Variants in FSIP2 observed in about 807,000 individuals in gnomAD.
FSIP2 encodes the protein fibrous sheath-interacting protein 2.
Under a neutral mutation model 510.5 loss-of-function variants are expected in FSIP2, and 367 were observed. The observed-to-expected ratio is 0.72, with a 90% CI of 0.66 to 0.78. The LOEUF (loss-of-function observed/expected upper bound fraction) is 0.78. Ranked by LOEUF, FSIP2 falls within the 30% of genes least tolerant of loss-of-function variation. The pLI is 0.00. For synonymous variants in FSIP2, 2,601 were observed against 2,732.2 expected (o/e 0.95, Z 1.50); for missense variants, 7,594 against 7,901.7 (o/e 0.96, Z 1.48).
chr2:185,785,450 T>G (rs1311665816), intron 14 of FSIP2, among the ~76,000 whole-genome samples: 1 of 152,042 alleles, frequency 6.6e-6, no homozygotes, highest in African/African-American at 2.4e-5. Context: ...AATTTGATCA[T>G]GTAGAGTGCA....
Position 185,792,631 on chromosome 2 carries a change from C to T in FSIP2, c.5495C>T (p.Pro1832Leu), listed in dbSNP as rs906264398. The T allele has an allele frequency of 6.5e-7, 1 of 1,534,062 alleles. No homozygotes were observed. Among genetic ancestry groups the T allele is most frequent in the East Asian group, 2.4e-5 (1 of 40,840 alleles). Reference sequence around the variant, plus strand: ...CAATTTATGGATAAAATGATGGATCCTTTACTTTCGGAAGCAGATATAACC... The same window carrying T: ...CAATTTATGGATAAAATGATGGATCTTTTACTTTCGGAAGCAGATATAACC... ...SVQFMDKMMD[P>L]LLSEADITIV... The change falls in exon 16 of 23, where the codon CCT (proline) becomes CTT (leucine). Residue 1832 changes from proline to leucine, a missense_variant. Physicochemically the swap from Pro to Leu is moderately conservative, Grantham distance 98 (BLOSUM62 -3). Transcript: ENST00000424728.
In FSIP2 at chr2:185,803,485, G is replaced by T. The variant is rs1407484524; in HGVS notation, c.14179G>T (p.Ala4727Ser). The T allele has an allele frequency of 1.3e-6, 2 of 1,530,404 alleles. No individual in the cohort carries two copies. The highest frequency in any genetic ancestry group is 1.7e-6 in the Non-Finnish European group (2 of 1,144,094). The allele number at this position is 1,530,404 out of a possible 1,614,324, so 94.8% of individuals were successfully genotyped here. Residue 4727 changes from alanine to serine, a missense_variant, in exon 17 of 23, where the codon GCT becomes TCT. By Grantham distance (99) the Ala-to-Ser change is moderately conservative (BLOSUM62 1). Coordinates refer to ENST00000424728, the MANE Select transcript of FSIP2 (RefSeq NM_173651.4). ...KDFLNDTKTL[A>S]ARITNIILAE... ...TTTTCTAAATGACACAAAGACATTGGCTGCAAGAATAACTAATATCATCCT... is the reference window on the plus strand; with the variant it reads ...TTTTCTAAATGACACAAAGACATTGTCTGCAAGAATAACTAATATCATCCT...
chr2:185,824,940 C>G (rs774587523), intron 20 of FSIP2, among the ~76,000 whole-genome samples: 3 of 151,590 alleles, frequency 2.0e-5, no homozygotes, highest in Non-Finnish European at 2.9e-5. Flanking sequence ...TATTCAATCT[C>G]TAATAGTCCT....
intron 17 of FSIP2, among the ~76,000 whole-genome samples, chr2:185,811,720 G>C (rs1693734644): frequency 6.6e-6 from 1 of 152,070 alleles, no homozygotes; most frequent in South Asian, 2.1e-4. Context: ...AGCAAAGAAT[G>C]GTTTCATGGG....
chr2:185,815,285 G>A (rs995879345), intron 18 of FSIP2, 86 bp from the exon 19 acceptor site: 14 of 668,096 alleles, frequency 2.1e-5, no homozygotes, highest in Non-Finnish European at 2.1e-5. Context: ...CCATTAAAAT[G>A]TAGATTATAC....
intron 13 of FSIP2, among the ~76,000 whole-genome samples, chr2:185,772,125 C>G (rs1692618091): frequency 6.6e-6 from 1 of 152,148 alleles, no homozygotes; most frequent in Admixed American, 6.5e-5. Flanking sequence ...TCTTATCAGC[C>G]TGGACTTTGC....
chr2:185,761,959 T>C lies in FSIP2; in HGVS notation c.1195-13T>C. On this transcript the variant is annotated splice_polypyrimidine_tract_variant and intron_variant, in intron 10 of 22. Transcript: ENST00000424728. ...CTAATGTAATTTTTTCTCTTCAATG[T>C]GGTACCATGTAGAGAGATGGGATGG... is the stretch of plus-strand genomic sequence containing the variant. 6.9e-7 allele frequency: 1 copy of C among 1,441,090 alleles called. No homozygotes were observed. The highest frequency in any genetic ancestry group is 9.4e-7 in the Non-Finnish European group (1 of 1,068,812). The allele number at this position is 1,441,090 out of a possible 1,614,324, so 89.3% of individuals were successfully genotyped here. A position where few individuals can be genotyped will look rare whatever the true frequency, so the allele number is the denominator to read the frequency against.
intron 8 of FSIP2, 151 bp from the exon 9 acceptor site, chr2:185,756,041 T>A (rs968836224): frequency 8.6e-6 from 3 of 347,282 alleles, no homozygotes; most frequent in Non-Finnish European, 1.0e-5. Context: ...CCATTTCACA[T>A]CACTGTATCT....
At chr2:185,739,015 G>A (rs757220731) in intron 1 of FSIP2, 22 bp downstream of exon 1, 1 of 1,526,768 alleles carries the variant, frequency 6.5e-7, no homozygotes, top group South Asian at 1.2e-5. Context: ...CAAGCTGGGC[G>A]GCGTCGCCCT....
intron 22 of FSIP2, 64 bp downstream of exon 22, chr2:185,831,946 A>T (rs752551169): frequency 1.0e-6 from 1 of 978,656 alleles, no homozygotes. Context: ...TTTTGAATTT[A>T]GAATTTTTTA....
chr2:185,821,009 TAAAAAAAA>T (rs59331328), intron 19 of FSIP2, among the ~76,000 whole-genome samples: 16,470 of 75,124 alleles, frequency 0.22, 1,440 homozygotes, highest in Admixed American at 0.27. Flanking sequence ...GTTGGTTCGT[TAAAAAAAA>T]AAAAAAAAAA....
chr2:185,744,094 G>A (rs1364547417), intron 3 of FSIP2, among the ~76,000 whole-genome samples: 1 of 151,810 alleles, frequency 6.6e-6, no homozygotes, highest in Non-Finnish European at 1.5e-5. Context: ...CCTAAGTAAT[G>A]TTTTTGGATA....
Position 185,808,171 on chromosome 2 carries a change from A to G in FSIP2, c.18865A>G (p.Met6289Val). 5 of 1,611,334 alleles carry G rather than the reference A, an allele frequency of 3.1e-6. No homozygotes were observed. Among genetic ancestry groups the G allele is most frequent in the Non-Finnish European group, 4.2e-6 (5 of 1,178,840 alleles). Residue 6289 changes from methionine to valine, a missense_variant, in exon 17 of 23, where the codon ATG becomes GTG. Met to Val is a conservative substitution (Grantham distance 21). Coordinates refer to ENST00000424728, the MANE Select transcript of FSIP2 (RefSeq NM_173651.4). ...CCTCTCTGATACAATAGGCTTTTTAATGGTGAATGCAATTTCGAATTCTGA... is the reference window on the plus strand; with the variant it reads ...CCTCTCTGATACAATAGGCTTTTTAGTGGTGAATGCAATTTCGAATTCTGA... ...NVLSDTIGFL[M>V]VNAISNSEFQ...
rs184972393 is a variant in FSIP2, at chr2:185,776,041, G to A, written c.1412-6664G>A. On this transcript the variant is annotated intron_variant, in intron 13 of 22. Coordinates refer to ENST00000424728, the MANE Select transcript of FSIP2 (RefSeq NM_173651.4). ...ACCCAGCACTTTGGGAGGCCGAGAC[G>A]GGTGCATCGCTTGAGCTCAGCAGTT... 7.5e-4 allele frequency among the ~76,000 whole-genome samples: 114 copies of A among 152,234 alleles called. 1 individual carries two copies. The highest frequency in any genetic ancestry group is 4.6e-3 in the Admixed American group (70 of 15,284).
rs763584448 is a variant in FSIP2 at position 185,808,020 on chromosome 2, A to T, written c.18714A>T (p.Ser6238=). The T allele has an allele frequency of 4.3e-6, 7 of 1,611,966 alleles. No homozygotes were observed. The South Asian group carries it at 7.7e-5, about 18-fold the overall frequency. The change falls in exon 17 of 23, where the codon TCA becomes TCT. Residue 6238 remains serine (S), a synonymous_variant. Transcript: ENST00000424728. ...AACTTGTACCACCCACCAAGGAATC[A>T]CCTACTGTGCCTGTAGCTGATAATG... ...KIKLVPPTKE[S]PTVPVADNAT... is the part of the protein sequence containing the mutation.
chr2:185,752,764 T>C (rs1167162659), intron 7 of FSIP2, among the ~76,000 whole-genome samples: 2 of 151,416 alleles, frequency 1.3e-5, no homozygotes. Context: ...ATTCCAACAT[T>C]TGTGTCATTT....
At chr2:185,755,132 A>C (rs961192420) in intron 8 of FSIP2, among the ~76,000 whole-genome samples, 1 of 151,496 alleles carries the variant, frequency 6.6e-6, no homozygotes, top group Admixed American at 6.6e-5. Context: ...GTCATTGTTG[A>C]TAACCCTAAC....
chr2:185,786,120 A>G, intron 14 of FSIP2, 132 bp from the exon 15 acceptor site: 1 of 627,056 alleles, frequency 1.6e-6, no homozygotes, highest in Non-Finnish European at 2.8e-6. Context: ...AAAACAGTGT[A>G]TTCTTCATTT....
chr2:185,740,958 A>C (rs1691911098), intron 2 of FSIP2, among the ~76,000 whole-genome samples: 1 of 151,948 alleles, frequency 6.6e-6, no homozygotes, highest in Admixed American at 6.6e-5. Flanking sequence ...TTTCTGAAAA[A>C]AAGTATAATT....
Sources: allele counts gnomAD v4.1 joint callset (sites outside exome capture counted in the v4.1 genomes callset), GRCh38; gene constraint gnomAD v4.1.1; transcripts MANE v1.5; gene names NCBI Gene and HGNC (gene_info 2026-07-23, HGNC 2026-07-21).